The following KCNK1 variants were observed in gnomAD, a reference collection of about 807,000 sequenced individuals.
The protein encoded by KCNK1 is potassium channel subfamily K member 1.
In KCNK1, 10 loss-of-function variants were observed where a neutral mutation model predicts 22.2. The observed-to-expected ratio is 0.45, with a 90% confidence interval of 0.28 to 0.76. KCNK1 has a LOEUF of 0.76. Among genes scored for constraint, KCNK1 ranks in the 30% least tolerant of loss-of-function variants. The pLI, the probability that KCNK1 is intolerant of heterozygous loss-of-function variation, is 0.14. For synonymous variants in KCNK1, 200 were observed against 186.4 expected (o/e 1.07, Z -0.60); for missense variants, 378 against 421.0 (o/e 0.90, Z 0.89).
At chr1:233,666,557 T>G (rs781268119) in intron 1 of KCNK1, 38 bp from the exon 2 acceptor site, 1 of 1,551,714 alleles carries the variant, frequency 6.4e-7, no homozygotes, top group Non-Finnish European at 8.7e-7. Context: ...CCACTTTGTC[T>G]CTTCCTCTTC....
chr1:233,666,782 C>A lies in KCNK1; in HGVS notation c.543C>A (p.Ile181=). The A allele has an allele frequency of 6.2e-7, 1 of 1,614,176 alleles. No homozygotes were observed. Among genetic ancestry groups the A allele is most frequent in the African/African-American group, 1.3e-5 (1 of 75,046 alleles). ...RWGFSKQVVA[I]VHAVLLGFVT... ...GCTTCTCCAAGCAGGTGGTGGCCAT[C>A]GTCCATGCCGTGCTCCTTGGGTTTG... Residue 181 remains isoleucine, a synonymous_variant, in exon 2 of 3, where the codon ATC becomes ATA. Transcript: ENST00000366621.
chr1:233,636,168 T>C (rs1657892771), intron 1 of KCNK1, among the ~76,000 whole-genome samples: 1 of 152,190 alleles, frequency 6.6e-6, no homozygotes, highest in African/African-American at 2.4e-5. Flanking sequence ...TGGGCCCTGA[T>C]AAGGATGTTA....
chr1:233,631,624 G>A (rs865853011), intron 1 of KCNK1: 4 of 254,190 alleles, frequency 1.6e-5, no homozygotes, highest in East Asian at 1.0e-4. Flanking sequence ...AAAATGTGGC[G>A]TGTGTCAGGG....
chr1:233,626,435 C>A (rs985491813), intron 1 of KCNK1, among the ~76,000 whole-genome samples: 2 of 152,084 alleles, frequency 1.3e-5, no homozygotes, highest in Admixed American at 1.3e-4. Context: ...ACACAGTAAA[C>A]CCTAATGGGG....
rs141149708 is a variant in KCNK1, at chr1:233,630,225, C to T, written c.355+15699C>T. On this transcript the variant is annotated intron_variant, in intron 1 of 2. Transcript: ENST00000366621. ...GGGTACTTCTAAGTAGTTTTGGAAG[C>T]GTTTGAGTAGTTGCTGCAATCGTGT... Among the ~76,000 whole-genome samples the T allele has an allele frequency of 6.8e-3, 1,040 of 152,180 alleles. 10 individuals are homozygous for T. Among genetic ancestry groups the T allele is most frequent in the Middle Eastern group, 0.02 (6 of 294 alleles).
chr1:233,631,114 C>G (rs1275085232), intron 1 of KCNK1: 20 of 383,750 alleles, frequency 5.2e-5, no homozygotes, highest in Non-Finnish European at 1.1e-4. Flanking sequence ...CATGTTCTGA[C>G]AAGGAAAAGA....
intron 1 of KCNK1, chr1:233,655,940 T>C (rs1294684578): frequency 3.3e-5 from 5 of 152,102 alleles, no homozygotes; most frequent in Admixed American, 1.3e-4. Context: ...AAGGGCATAC[T>C]GGACAGCTCT....
chr1:233,653,824 T>A (rs933939827), intron 1 of KCNK1, among the ~76,000 whole-genome samples: 4 of 152,118 alleles, frequency 2.6e-5, no homozygotes, highest in Non-Finnish European at 4.4e-5. Context: ...TCTTCTTATA[T>A]ATCTATATAT....
At chr1:233,637,824 A>G (rs571989890) in intron 1 of KCNK1, among the ~76,000 whole-genome samples, 9 of 152,300 alleles carry the variant, frequency 5.9e-5, no homozygotes, top group Non-Finnish European at 1.3e-4. Flanking sequence ...AAATGGTTCT[A>G]TTCACTGGGC....
At chr1:233,642,294 C>G (rs1314954253) in intron 1 of KCNK1, among the ~76,000 whole-genome samples, 2 of 152,198 alleles carry the variant, frequency 1.3e-5, no homozygotes, top group African/African-American at 2.4e-5. Flanking sequence ...ACCAACTTCC[C>G]TCCAGGTTTC....
At chr1:233,642,168 T>C (rs982723414) in intron 1 of KCNK1, among the ~76,000 whole-genome samples, 2 of 152,226 alleles carry the variant, frequency 1.3e-5, no homozygotes, top group African/African-American at 4.8e-5. Context: ...GGAGTCATGT[T>C]CTGGTCTCTC....
intron 2 of KCNK1, among the ~76,000 whole-genome samples, chr1:233,668,994 G>A (rs1019380134): frequency 1.8e-4 from 28 of 152,242 alleles, no homozygotes; most frequent in Admixed American, 1.6e-3. Context: ...GCCTTTTTGT[G>A]ACTCATAGAA....
intron 1 of KCNK1, among the ~76,000 whole-genome samples, chr1:233,622,523 C>T (rs1657607509): frequency 6.6e-6 from 1 of 152,202 alleles, no homozygotes; most frequent in African/African-American, 2.4e-5. Context: ...TCAGTCTGTA[C>T]TCTGACTTTC....
At chr1:233,645,741 G>T (rs868836201) in intron 1 of KCNK1, among the ~76,000 whole-genome samples, 2 of 152,166 alleles carry the variant, frequency 1.3e-5, no homozygotes, top group Admixed American at 6.5e-5. Flanking sequence ...CGTACATTAG[G>T]GGGTGGAGGA....
intron 1 of KCNK1, among the ~76,000 whole-genome samples, chr1:233,663,356 A>G (rs1306622556): frequency 1.3e-5 from 2 of 152,212 alleles, no homozygotes; most frequent in African/African-American, 2.4e-5. Context: ...GAGGTCTTAG[A>G]GTCTTATAAT....
intron 1 of KCNK1, among the ~76,000 whole-genome samples, chr1:233,628,443 T>A (rs1657727039): frequency 6.6e-6 from 1 of 152,100 alleles, no homozygotes; most frequent in Non-Finnish European, 1.5e-5. Flanking sequence ...CCCCCGAACC[T>A]AAAGTACAAA....
At chr1:233,617,261 G>A (rs745841463) in intron 1 of KCNK1, among the ~76,000 whole-genome samples, 1 of 152,134 alleles carries the variant, frequency 6.6e-6, no homozygotes, top group African/African-American at 2.4e-5. Flanking sequence ...ACAAACTTCC[G>A]TTTCTGGAAG....
At chr1:233,666,561 C>T in intron 1 of KCNK1, 34 bp from the exon 2 acceptor site, 1 of 1,555,938 alleles carries the variant, frequency 6.4e-7, no homozygotes, top group Non-Finnish European at 8.7e-7. Flanking sequence ...TTTGTCTCTT[C>T]CTCTTCGCCT....
chr1:233,622,895 G>T (rs1657616256), intron 1 of KCNK1, among the ~76,000 whole-genome samples: 1 of 152,104 alleles, frequency 6.6e-6, no homozygotes, highest in African/African-American at 2.4e-5. Flanking sequence ...CTAACTTTTT[G>T]CATTAGCTCC....
Sources: gnomAD v4.1 joint callset for allele counts (sites outside exome capture counted in the v4.1 genomes callset) on GRCh38, gnomAD v4.1.1 for gene constraint, MANE v1.5 for transcripts, NCBI Gene and HGNC (gene_info 2026-07-23, HGNC 2026-07-21) for gene names.